Variants in R3HDM1 observed in about 807,000 individuals in gnomAD.
R3HDM1 encodes the protein R3H domain containing 1, also known as R3H domain-containing protein 1.
A neutral mutation model predicts 141.1 loss-of-function variants in R3HDM1; 46 were observed. The observed-to-expected ratio is 0.33, with a 90% CI of 0.26 to 0.42. The LOEUF (loss-of-function observed/expected upper bound fraction) is 0.42. R3HDM1 is among the 10% of genes least tolerant of loss of function. The pLI is 1.00. For synonymous variants in R3HDM1, 435 were observed against 472.9 expected, an observed-to-expected ratio of 0.92 and a Z score of 1.04; for missense variants, 1,184 against 1,368.3, an observed-to-expected ratio of 0.87 and a Z score of 2.12.
At chr2:135,647,416 T>A (rs1018036388) in intron 16 of R3HDM1, among the ~76,000 whole-genome samples, 8 of 152,242 alleles carry the variant, frequency 5.3e-5, no homozygotes, top group African/African-American at 1.7e-4. Context: ...TGGCAACTTT[T>A]AAAAACTCTG....
intron 21 of R3HDM1, among the ~76,000 whole-genome samples, chr2:135,682,441 G>C (rs1349907745): frequency 6.6e-6 from 1 of 152,158 alleles, no homozygotes; most frequent in African/African-American, 2.4e-5. Flanking sequence ...TGCCATAAGA[G>C]TGTGGATACA....
chr2:135,603,808 C>T (rs2059821914), intron 2 of R3HDM1, among the ~76,000 whole-genome samples: 1 of 152,118 alleles, frequency 6.6e-6, no homozygotes, highest in African/African-American at 2.4e-5. Flanking sequence ...GGTTTTGTCA[C>T]GTTGCCCAGG....
chr2:135,582,567 T>A (rs969962850), intron 1 of R3HDM1, among the ~76,000 whole-genome samples: 6 of 152,086 alleles, frequency 3.9e-5, no homozygotes, highest in African/African-American at 1.4e-4. Context: ...GGAGATCAGC[T>A]TACTCAGTAC....
At chr2:135,703,544 C>G (rs575004264) in intron 21 of R3HDM1, among the ~76,000 whole-genome samples, 2 of 152,292 alleles carry the variant, frequency 1.3e-5, no homozygotes, top group African/African-American at 4.8e-5. Context: ...AAGCTACATT[C>G]AATGCTCTAT....
At chr2:135,711,984 A>T (rs2075697987) in intron 23 of R3HDM1, among the ~76,000 whole-genome samples, 1 of 151,490 alleles carries the variant, frequency 6.6e-6, no homozygotes, top group African/African-American at 2.4e-5. Context: ...AAAAAAAAAA[A>T]AAAAGAGTTG....
chr2:135,666,056 A>G (rs1397514355), intron 19 of R3HDM1, among the ~76,000 whole-genome samples: 1 of 152,194 alleles, frequency 6.6e-6, no homozygotes. Flanking sequence ...TTTCCAGATA[A>G]CCCAGAATCA....
intron 2 of R3HDM1, among the ~76,000 whole-genome samples, chr2:135,603,724 C>G (rs953092012): frequency 2.5e-4 from 38 of 152,188 alleles, no homozygotes; most frequent in African/African-American, 8.9e-4. Context: ...TCTTGTGCCT[C>G]AGCCTCTTGA....
At chr2:135,538,664 A>C (rs1696771444) in intron 1 of R3HDM1, among the ~76,000 whole-genome samples, 1 of 152,168 alleles carries the variant, frequency 6.6e-6, no homozygotes, top group Admixed American at 6.5e-5. Flanking sequence ...CCCAGACTGG[A>C]GTGCAGTGGC....
At chr2:135,662,358 A>G (rs535436197) in intron 19 of R3HDM1, among the ~76,000 whole-genome samples, 3 of 152,312 alleles carry the variant, frequency 2.0e-5, no homozygotes, top group Admixed American at 2.0e-4. Context: ...GGCCCATCTG[A>G]TGAATAGTAG....
intron 7 of R3HDM1, among the ~76,000 whole-genome samples, chr2:135,626,599 A>G (rs1216714202): frequency 1.3e-5 from 2 of 152,170 alleles, no homozygotes; most frequent in Non-Finnish European, 2.9e-5. Context: ...ATCCATTTTT[A>G]TGTCTTCCAA....
At chr2:135,577,592 T>G (rs774210409) in intron 1 of R3HDM1, among the ~76,000 whole-genome samples, 59 of 151,914 alleles carry the variant, frequency 3.9e-4, no homozygotes, top group African/African-American at 1.1e-3. Flanking sequence ...TCCCAACACT[T>G]TGGGAGGCCA....
chr2:135,663,319 T>C (rs1420096651), intron 19 of R3HDM1, among the ~76,000 whole-genome samples: 1 of 152,190 alleles, frequency 6.6e-6, no homozygotes, highest in Non-Finnish European at 1.5e-5. Context: ...TGCATCTGGA[T>C]AGTGCTACAG....
chr2:135,690,805 C>T (rs2072252263), intron 21 of R3HDM1, among the ~76,000 whole-genome samples: 1 of 151,508 alleles, frequency 6.6e-6, no homozygotes, highest in African/African-American at 2.4e-5. Context: ...GTTTTATTCA[C>T]CAAAAAATGT....
chr2:135,580,047 C>G (rs1207246130), intron 1 of R3HDM1, among the ~76,000 whole-genome samples: 1 of 152,016 alleles, frequency 6.6e-6, no homozygotes, highest in African/African-American at 2.4e-5. Flanking sequence ...TCACTTGAGC[C>G]CAGGAGTTCA....
chr2:135,701,242 A>C (rs919306652), intron 21 of R3HDM1, among the ~76,000 whole-genome samples: 1 of 151,224 alleles, frequency 6.6e-6, no homozygotes, highest in Non-Finnish European at 1.5e-5. Flanking sequence ...AAAAAAAAAA[A>C]AACTATAAAA....
intron 26 of R3HDM1, among the ~76,000 whole-genome samples, chr2:135,723,374 C>G (rs549864370): frequency 6.6e-6 from 1 of 151,934 alleles, no homozygotes; most frequent in Non-Finnish European, 1.5e-5. Flanking sequence ...CCACCCACCT[C>G]AGCCTCCCAA....
chr2:135,602,880 G>GT (rs146384697), intron 2 of R3HDM1, among the ~76,000 whole-genome samples, 172 bp downstream of exon 2: 10,218 of 151,660 alleles, frequency 0.067, 705 homozygotes, highest in African/African-American at 0.18. Context: ...GGAAGACATG[G>GT]TTTTCTTTTT....
intron 1 of R3HDM1, among the ~76,000 whole-genome samples, chr2:135,597,816 T>A (rs910670327): frequency 6.6e-6 from 1 of 152,204 alleles, no homozygotes; most frequent in Middle Eastern, 3.2e-3. Context: ...TTCCCACATA[T>A]AAATTAACTT....
chr2:135,550,010 A>T, intron 1 of R3HDM1: 1 of 974,040 alleles, frequency 1.0e-6, no homozygotes, highest in Non-Finnish European at 1.2e-6. Context: ...TCTACTTTTC[A>T]TAGCTTTTGG....
Sources: allele counts gnomAD v4.1 joint callset (sites outside exome capture counted in the v4.1 genomes callset), GRCh38; gene constraint gnomAD v4.1.1; transcripts MANE v1.5; gene names NCBI Gene and HGNC (gene_info 2026-07-23, HGNC 2026-07-21).